The following JAKMIP3 variants were observed in gnomAD, a reference collection of about 807,000 sequenced individuals.
JAKMIP3 encodes janus kinase and microtubule-interacting protein 3.
Under a neutral mutation model 118.5 loss-of-function variants are expected in JAKMIP3, and 58 were observed. The ratio of observed to expected loss-of-function variants is 0.49; its 90% CI spans 0.40 to 0.61. JAKMIP3 has a LOEUF of 0.61. Ranked by LOEUF, JAKMIP3 falls within the 20% of genes least tolerant of loss-of-function variation. The pLI, the probability that JAKMIP3 is intolerant of heterozygous loss-of-function variation, is 0.00. For missense variants in JAKMIP3, 950 were observed against 1,109.0 expected, an observed-to-expected ratio of 0.86 and a Z score of 2.04; for synonymous variants, 486 against 451.2, an observed-to-expected ratio of 1.08 and a Z score of -0.98.
At chr10:132,085,502 TC>T (rs1485260315) in intron 1 of JAKMIP3, among the ~76,000 whole-genome samples, 263 of 120,940 alleles carry the variant, frequency 2.2e-3, no homozygotes, top group Admixed American at 3.3e-3. Context: ...ATTTTCTCTC[TC>T]TTTTTTTTTT....
At chr10:132,167,134 G>GGC in intron 22 of JAKMIP3, 79 bp downstream of exon 22, 2 of 1,000,382 alleles carry the variant, frequency 2.0e-6, no homozygotes, top group Non-Finnish European at 1.5e-6. Flanking sequence ...CCCTGCCAGG[G>GGC]AGTTGCCCAC....
At chr10:132,144,915 C>A (rs191434934) in intron 11 of JAKMIP3, among the ~76,000 whole-genome samples, 192 bp from the exon 12 acceptor site, 2 of 152,140 alleles carry the variant, frequency 1.3e-5, no homozygotes, top group Non-Finnish European at 2.9e-5. Context: ...GATGACAGAG[C>A]CAAACCCTGT....
chr10:132,153,604 G>A (rs1048180104), intron 17 of JAKMIP3, among the ~76,000 whole-genome samples, 155 bp from the exon 18 acceptor site: 10 of 152,250 alleles, frequency 6.6e-5, no homozygotes, highest in African/African-American at 1.7e-4. Flanking sequence ...TGATGCCAGC[G>A]CAGCCTCAAC....
At chr10:132,146,021 C>A (rs2054536225) in intron 13 of JAKMIP3, among the ~76,000 whole-genome samples, 1 of 152,180 alleles carries the variant, frequency 6.6e-6, no homozygotes, top group South Asian at 2.1e-4. Flanking sequence ...CATGGACCAG[C>A]CTGGCTGAGC....
intron 3 of JAKMIP3, among the ~76,000 whole-genome samples, chr10:132,123,989 T>C (rs895086176): frequency 6.6e-6 from 1 of 152,212 alleles, no homozygotes. Context: ...TCCCAGGGCG[T>C]GGCTGTGCCC....
chr10:132,048,152 G>GA (rs2037981145), intron 1 of JAKMIP3, among the ~76,000 whole-genome samples: 1 of 152,248 alleles, frequency 6.6e-6, no homozygotes, highest in Non-Finnish European at 1.5e-5. Flanking sequence ...TGTTGAGGGC[G>GA]ATGTTGCTGG....
intron 1 of JAKMIP3, among the ~76,000 whole-genome samples, chr10:132,057,212 C>G (rs1030670118): frequency 2.0e-5 from 3 of 152,160 alleles, no homozygotes; most frequent in African/African-American, 7.2e-5. Flanking sequence ...AACATCTGGG[C>G]GCAACCCCCT....
chr10:132,109,976 C>T (rs532025897), intron 2 of JAKMIP3, among the ~76,000 whole-genome samples: 4 of 152,322 alleles, frequency 2.6e-5, no homozygotes, highest in Admixed American at 1.3e-4. Flanking sequence ...AAAGTAATAT[C>T]GTCATTACAA....
intron 1 of JAKMIP3, among the ~76,000 whole-genome samples, chr10:132,051,419 GGT>G (rs1171551250): frequency 6.6e-6 from 1 of 151,328 alleles, no homozygotes; most frequent in African/African-American, 2.4e-5. Context: ...CAGCCGTTCT[GGT>G]TATGTGGGGG....
chr10:132,041,867 TTC>T (rs1200776266), intron 1 of JAKMIP3, among the ~76,000 whole-genome samples: 16 of 151,930 alleles, frequency 1.1e-4, no homozygotes, highest in African/African-American at 3.4e-4. Context: ...TTTCTTTCTT[TTC>T]TTTTTTTTTT....
intron 19 of JAKMIP3, among the ~76,000 whole-genome samples, chr10:132,157,680 C>A (rs1007881290): frequency 6.6e-6 from 1 of 152,212 alleles, no homozygotes; most frequent in Admixed American, 6.5e-5. Context: ...CAACTCCACG[C>A]CACGTCTGTT....
At chr10:132,079,120 C>T (rs1458584203) in intron 1 of JAKMIP3, among the ~76,000 whole-genome samples, 2 of 151,750 alleles carry the variant, frequency 1.3e-5, no homozygotes, top group Non-Finnish European at 2.9e-5. Context: ...CTTACAGTGG[C>T]CCCCGCAACG....
intron 21 of JAKMIP3, among the ~76,000 whole-genome samples, chr10:132,166,149 C>T (rs1167156627): frequency 6.6e-6 from 1 of 152,068 alleles, no homozygotes; most frequent in African/African-American, 2.4e-5. Flanking sequence ...CATAGTGAGA[C>T]CCTGTCTCTA....
chr10:132,073,376 G>A (rs930518852), intron 1 of JAKMIP3, among the ~76,000 whole-genome samples: 3 of 152,050 alleles, frequency 2.0e-5, no homozygotes, highest in Admixed American at 6.5e-5. Context: ...CAGTAGAGAC[G>A]GGGTTTCACC....
chr10:132,087,770 C>T (rs1307815886), intron 1 of JAKMIP3, among the ~76,000 whole-genome samples: 3 of 151,590 alleles, frequency 2.0e-5, no homozygotes, highest in African/African-American at 7.3e-5. Flanking sequence ...AGGTTAGTTA[C>T]ATATGTATAC....
intron 1 of JAKMIP3, among the ~76,000 whole-genome samples, chr10:132,084,952 G>A (rs568363699): frequency 5.9e-5 from 9 of 152,130 alleles, no homozygotes; most frequent in Non-Finnish European, 1.2e-4. Flanking sequence ...CTATCTTTTC[G>A]ATATGTTGTT....
intron 1 of JAKMIP3, among the ~76,000 whole-genome samples, chr10:132,045,066 C>G (rs1589999889): frequency 6.6e-6 from 1 of 152,102 alleles, no homozygotes; most frequent in East Asian, 1.9e-4. Context: ...TGCACATGCC[C>G]GTCCGAGATT....
chr10:132,142,237 G>C (rs2053665718), intron 11 of JAKMIP3, among the ~76,000 whole-genome samples, 189 bp downstream of exon 11: 1 of 152,154 alleles, frequency 6.6e-6, no homozygotes, highest in Non-Finnish European at 1.5e-5. Flanking sequence ...CCGGTGCTGG[G>C]AGTTGGCCCA....
chr10:132,093,862 T>C (rs2043452390), intron 1 of JAKMIP3, among the ~76,000 whole-genome samples: 1 of 152,162 alleles, frequency 6.6e-6, no homozygotes, highest in African/African-American at 2.4e-5. Flanking sequence ...GAGCTGTTCC[T>C]ATTCAGCATC....
Sources: gnomAD v4.1 joint callset for allele counts (sites outside exome capture counted in the v4.1 genomes callset) on GRCh38, gnomAD v4.1.1 for gene constraint, MANE v1.5 for transcripts, NCBI Gene and HGNC (gene_info 2026-07-23, HGNC 2026-07-21) for gene names.